The following TC2N variants were observed in gnomAD, a reference collection of about 807,000 sequenced individuals.
The protein encoded by TC2N is tandem C2 domains nuclear protein.
TC2N carries 51 observed loss-of-function variants against 61.9 expected under a neutral mutation model. That is an observed-to-expected ratio of 0.82 (90% CI 0.66 to 1.04). The LOEUF (loss-of-function observed/expected upper bound fraction) is 1.04. Ranked by LOEUF, TC2N falls within the 50% of genes least tolerant of loss-of-function variation. The pLI, the probability that TC2N is intolerant of heterozygous loss-of-function variation, is 0.00. For synonymous variants in TC2N, 204 were observed against 192.6 expected (o/e 1.06, Z -0.49); for missense variants, 556 against 566.7 (o/e 0.98, Z 0.19).
rs1011765890 is a variant in TC2N, at chr14:91,789,338, T to C, written c.1048-1711A>G. Among the ~76,000 whole-genome samples the C allele has an allele frequency of 1.5e-4, 22 of 151,402 alleles. No homozygotes were observed. The South Asian group carries it at 1.5e-3, about 10-fold the overall frequency. On this transcript the variant is annotated intron_variant, in intron 9 of 11. Coordinates refer to ENST00000435962, the MANE Select transcript of TC2N (RefSeq NM_001128596.3). The stretch of plus-strand genomic sequence containing the variant: ...TTGGCCAGGTGCGGTGGCTCACGCA[T>C]GTAATCCCAGCACTTTGGGAGGCCG...
At position 91,865,616 on chromosome 14, in the gene TC2N, T is replaced by C. The variant is rs141083855; in HGVS notation, c.-57+1646A>G. ...ATATTGCATTTAAAGTAAACACAAA[T>C]TGTATCAAAAAGAAAAAGTTTATCT... On this transcript the variant is annotated intron_variant, in intron 1 of 11. Transcript: ENST00000435962. Among the ~76,000 whole-genome samples the C allele has an allele frequency of 7.9e-4, 121 of 152,230 alleles. No individual in the cohort carries two copies. The Middle Eastern group carries it at 0.014, about 17-fold the overall frequency.
At chr14:91,820,003 G>C (rs2139875596) in intron 1 of TC2N, among the ~76,000 whole-genome samples, 1 of 152,076 alleles carries the variant, frequency 6.6e-6, no homozygotes, top group South Asian at 2.1e-4. Flanking sequence ...AGAACAGATA[G>C]GATGAGTAGA....
chr14:91,866,896 C>A (rs565128950), intron 1 of TC2N, among the ~76,000 whole-genome samples: 8 of 152,268 alleles, frequency 5.3e-5, no homozygotes, highest in Admixed American at 1.3e-4. Context: ...AACTGTTTCC[C>A]AAATGTTTGG....
At chr14:91,857,269 C>T (rs1489955383) in intron 1 of TC2N, among the ~76,000 whole-genome samples, 2 of 152,158 alleles carry the variant, frequency 1.3e-5, no homozygotes, top group African/African-American at 2.4e-5. Flanking sequence ...AGAGGGAAAA[C>T]GTTGCTAGAA....
At chr14:91,805,110 C>T (rs534568390) in intron 3 of TC2N, among the ~76,000 whole-genome samples, 14 of 152,204 alleles carry the variant, frequency 9.2e-5, no homozygotes, top group East Asian at 7.7e-4. Context: ...ACCACATATA[C>T]GACAGTGGTT....
intron 1 of TC2N, among the ~76,000 whole-genome samples, chr14:91,828,973 C>A (rs755768727): frequency 6.0e-5 from 9 of 150,974 alleles, no homozygotes; most frequent in Non-Finnish European, 1.3e-4. Flanking sequence ...TTCTTTAAGA[C>A]AAAAATATCT....
intron 1 of TC2N, among the ~76,000 whole-genome samples, chr14:91,857,965 CTTTG>C (rs72287990): frequency 0.12 from 17,924 of 151,808 alleles, 1,284 homozygotes; most frequent in East Asian, 0.19. Context: ...TGTTGTTGTT[CTTTG>C]TTTGTTTGTT....
rs117503285 is a variant in TC2N at position 91,856,581 on chromosome 14, C to T, written c.-57+10681G>A. Among the ~76,000 whole-genome samples the T allele has an allele frequency of 2.6e-4, 40 of 151,856 alleles. No individual in the cohort carries two copies. In the East Asian group the frequency reaches 7.5e-3, roughly 29 times the overall value. ...GGGAGGCTTCATGTGGTATCACTAA[C>T]AATTTCCTCCGCTGTCCCCAGAGCT... On this transcript the variant is annotated intron_variant, in intron 1 of 11. Coordinates refer to ENST00000435962, the MANE Select transcript of TC2N (RefSeq NM_001128596.3).
intron 1 of TC2N, among the ~76,000 whole-genome samples, chr14:91,845,183 G>T (rs1888246113): frequency 6.6e-6 from 1 of 152,008 alleles, no homozygotes; most frequent in Admixed American, 6.6e-5. Context: ...AGCAGAGATG[G>T]TGCCACTGCA....
chr14:91,818,833 A>G (rs1887122039), intron 1 of TC2N, among the ~76,000 whole-genome samples: 3 of 152,202 alleles, frequency 2.0e-5, no homozygotes, highest in Admixed American at 6.5e-5. Flanking sequence ...AACTAAAATG[A>G]GACACAGAGA....
At chr14:91,860,595 A>G (rs1268227917) in intron 1 of TC2N, among the ~76,000 whole-genome samples, 2 of 152,192 alleles carry the variant, frequency 1.3e-5, no homozygotes, top group Non-Finnish European at 2.9e-5. Flanking sequence ...AGTCTTGTGA[A>G]TAATCTAGCC....
chr14:91,802,305 A>G lies in TC2N; in HGVS notation c.418T>C (p.Leu140=). ...FYMYQHISPD[L]SRRFPPRSEV... ...GAACGGGGAGGAAAGCGTCGACTCAAATCAGGTGAAATGTGCTGATACATA... is the reference window on the plus strand; with the variant it reads ...GAACGGGGAGGAAAGCGTCGACTCAGATCAGGTGAAATGTGCTGATACATA... The change falls in exon 4 of 12, where the codon TTG becomes CTG. Residue 140 remains leucine, a synonymous_variant. Coordinates refer to ENST00000435962, the MANE Select transcript of TC2N (RefSeq NM_001128596.3). The G allele has an allele frequency of 2.5e-6, 4 of 1,605,294 alleles. No homozygotes were observed. Among genetic ancestry groups the G allele is most frequent in the Non-Finnish European group, 3.4e-6 (4 of 1,176,992 alleles).
At chr14:91,805,620 G>A (rs1005523910) in intron 3 of TC2N, among the ~76,000 whole-genome samples, 10 of 151,904 alleles carry the variant, frequency 6.6e-5, no homozygotes, top group Non-Finnish European at 1.3e-4. Context: ...AGCCAGGATC[G>A]TGCCACTGCA....
At chr14:91,797,949 T>C (rs1885993040) in intron 7 of TC2N, 48 bp from the exon 8 acceptor site, 1 of 1,184,466 alleles carries the variant, frequency 8.4e-7, no homozygotes. Context: ...GATCCAACAA[T>C]ACAAACATTT....
intron 1 of TC2N, among the ~76,000 whole-genome samples, chr14:91,838,913 A>C (rs566044089): frequency 6.6e-6 from 1 of 152,282 alleles, no homozygotes; most frequent in African/African-American, 2.4e-5. Context: ...TTGTGCTCTT[A>C]TTTCTAATCT....
chr14:91,819,028 C>G (rs28858742), intron 1 of TC2N, among the ~76,000 whole-genome samples: 14,249 of 152,034 alleles, frequency 0.094, 1,482 homozygotes, highest in African/African-American at 0.26. Context: ...GAACCTCCGC[C>G]AACACTAAGG....
chr14:91,817,320 G>A (rs1217676301), intron 1 of TC2N, among the ~76,000 whole-genome samples: 1 of 151,536 alleles, frequency 6.6e-6, no homozygotes, highest in Admixed American at 6.6e-5. Flanking sequence ...TAAAATGTAT[G>A]CGTTTTCAAA....
At chr14:91,831,298 C>G (rs1332525309) in intron 1 of TC2N, among the ~76,000 whole-genome samples, 1 of 152,136 alleles carries the variant, frequency 6.6e-6, no homozygotes, top group East Asian at 1.9e-4. Context: ...GGATTTGCAG[C>G]CTGATATAGT....
intron 1 of TC2N, among the ~76,000 whole-genome samples, chr14:91,846,381 T>TA (rs1372352891): frequency 3.3e-5 from 5 of 152,180 alleles, no homozygotes; most frequent in Admixed American, 2.0e-4. Flanking sequence ...ATTTTTTTTT[T>TA]AATCTCTTCC....
Sources: allele counts gnomAD v4.1 joint callset (sites outside exome capture counted in the v4.1 genomes callset), GRCh38; gene constraint gnomAD v4.1.1; transcripts MANE v1.5; gene names NCBI Gene and HGNC (gene_info 2026-07-23, HGNC 2026-07-21).